Variants in SUPT3H observed in about 807,000 individuals in gnomAD.
SUPT3H encodes the protein SPT3 homolog, SAGA and STAGA complex component.
In SUPT3H, 44 loss-of-function variants were observed where a neutral mutation model predicts 44.3. That is an observed-to-expected ratio of 0.99 (90% confidence interval 0.78 to 1.28). SUPT3H has a LOEUF of 1.28. Ranked by LOEUF, SUPT3H falls within the 50% of genes most tolerant of loss-of-function variation. The pLI, the probability that SUPT3H is intolerant of heterozygous loss-of-function variation, is 0.00. For missense variants in SUPT3H, 380 were observed against 387.1 expected, an observed-to-expected ratio of 0.98 and a Z score of 0.15; for synonymous variants, 124 against 125.6, an observed-to-expected ratio of 0.99 and a Z score of 0.09.
Position 45,276,985 on chromosome 6 carries a change from T to C in SUPT3H, c.101+88216A>G, listed in dbSNP as rs547566000. 1.8e-4 allele frequency among the ~76,000 whole-genome samples: 27 copies of C among 152,332 alleles called. No homozygotes were observed. The South Asian group carries it at 5.6e-3, about 32-fold the overall frequency. On this transcript the variant is annotated intron_variant, in intron 2 of 10. Transcript: ENST00000371459. ...TTCCAAAGATAAAACACATTTCTAT[T>C]TTCTATAAGCTTTTCTTATGATTTT...
At chr6:45,165,257 C>A (rs1368605510) in intron 2 of SUPT3H, among the ~76,000 whole-genome samples, 1 of 152,144 alleles carries the variant, frequency 6.6e-6, no homozygotes, top group Non-Finnish European at 1.5e-5. Context: ...ATACTAAGCA[C>A]AAGGTAACAT....
chr6:45,052,048 A>G lies in SUPT3H; in HGVS notation c.187-31416T>C, dbSNP rs780892066. ...TTGTAACAGGAGTATTATAGACAAAAGCACAATGAGCCAGACAATAAAATC... is the reference window on the plus strand; with the variant it reads ...TTGTAACAGGAGTATTATAGACAAAGGCACAATGAGCCAGACAATAAAATC... On this transcript the variant is annotated intron_variant, in intron 3 of 10. Transcript: ENST00000371459. 8.5e-5 allele frequency among the ~76,000 whole-genome samples: 13 copies of G among 152,342 alleles called. No individual in the cohort carries two copies. In the Middle Eastern group the frequency reaches 0.017, roughly 199 times the overall value.
At chr6:45,232,516 GC>G (rs1768249376) in intron 2 of SUPT3H, among the ~76,000 whole-genome samples, 1 of 152,202 alleles carries the variant, frequency 6.6e-6, no homozygotes, top group Non-Finnish European at 1.5e-5. Flanking sequence ...CTGGGACCAG[GC>G]AGGCCAATTC....
At chr6:45,009,997 T>C (rs1783250080) in intron 5 of SUPT3H, among the ~76,000 whole-genome samples, 2 of 152,146 alleles carry the variant, frequency 1.3e-5, no homozygotes, top group African/African-American at 4.8e-5. Flanking sequence ...TTTCCATTAC[T>C]ATCTAGGCCT....
intron 2 of SUPT3H, among the ~76,000 whole-genome samples, chr6:45,350,511 T>C (rs1791791632): frequency 1.3e-5 from 2 of 152,202 alleles, no homozygotes; most frequent in African/African-American, 4.8e-5. Context: ...CTCAAGCTGC[T>C]TTCTCACAGA....
chr6:44,857,678 AG>A (rs1199560154), intron 10 of SUPT3H, among the ~76,000 whole-genome samples: 1 of 152,168 alleles, frequency 6.6e-6, no homozygotes, highest in African/African-American at 2.4e-5. Context: ...TTTCTTACCT[AG>A]GATTACATAA....
At chr6:44,843,154 A>G (rs192885581) in intron 10 of SUPT3H, among the ~76,000 whole-genome samples, 4 of 152,346 alleles carry the variant, frequency 2.6e-5, no homozygotes, top group African/African-American at 4.8e-5. Context: ...ATTGTTTTAT[A>G]TCGGTGCTTT....
rs532391227 is a variant in SUPT3H, at chr6:45,055,088, C to T, written c.187-34456G>A. ...CAGTGGTTATATACAGAAAGGCAGA[C>T]AGATTTTATGGAATTAGTAATTTCA... On this transcript the variant is annotated intron_variant, in intron 3 of 10. Coordinates refer to ENST00000371459, the MANE Select transcript of SUPT3H (RefSeq NM_003599.4). Among the ~76,000 whole-genome samples, 30 of 152,018 alleles carry T rather than the reference C, an allele frequency of 2.0e-4. 1 individual carries two copies. Among genetic ancestry groups the T allele is most frequent in the Non-Finnish European group, 3.4e-4 (23 of 67,956 alleles).
At chr6:44,859,039 C>T (rs1280756098) in intron 10 of SUPT3H, among the ~76,000 whole-genome samples, 1 of 152,126 alleles carries the variant, frequency 6.6e-6, no homozygotes, top group East Asian at 1.9e-4. Context: ...TTGGATTGGG[C>T]CTTTCAGAGT....
chr6:45,139,154 A>C (rs973669085), intron 2 of SUPT3H, among the ~76,000 whole-genome samples: 2 of 152,222 alleles, frequency 1.3e-5, no homozygotes, highest in Non-Finnish European at 2.9e-5. Context: ...TTATTTTCAT[A>C]AATTAAAATC....
chr6:45,004,633 C>T (rs1782457382), intron 5 of SUPT3H, among the ~76,000 whole-genome samples: 1 of 152,076 alleles, frequency 6.6e-6, no homozygotes, highest in African/African-American at 2.4e-5. Flanking sequence ...TTCCCTTTTA[C>T]ATGATCAGCC....
chr6:45,106,252 T>G (rs1226454323), intron 2 of SUPT3H, among the ~76,000 whole-genome samples: 1 of 151,954 alleles, frequency 6.6e-6, no homozygotes, highest in Non-Finnish European at 1.5e-5. Context: ...CATAACATGG[T>G]GAAACTCCGC....
Position 44,938,586 on chromosome 6 carries a change from AT to A in SUPT3H, c.802-5824del, listed in dbSNP as rs1014043272. ...TTTTTGGTTCCATATGAATTTTAGG[AT>A]TTTTTTTTCTAATTCTGTAAAAGAT... is the stretch of plus-strand genomic sequence containing the variant. On this transcript the variant is annotated intron_variant, in intron 9 of 10. Coordinates refer to ENST00000371459, the MANE Select transcript of SUPT3H (RefSeq NM_003599.4). 1.6e-4 allele frequency among the ~76,000 whole-genome samples: 24 copies of A among 151,136 alleles called. 1 individual carries two copies. Among genetic ancestry groups the A allele is most frequent in the Admixed American group, 4.0e-4 (6 of 15,148 alleles).
intron 7 of SUPT3H, 124 bp downstream of exon 7, chr6:44,961,629 G>A: frequency 2.7e-6 from 2 of 734,648 alleles, no homozygotes; most frequent in Non-Finnish European, 2.3e-6. Flanking sequence ...TGTTTGTATA[G>A]CACTTACAAC....
chr6:45,313,879 T>C (rs1784335754), intron 2 of SUPT3H, among the ~76,000 whole-genome samples: 1 of 152,070 alleles, frequency 6.6e-6, no homozygotes, highest in Admixed American at 6.6e-5. Context: ...TGAACATAGA[T>C]ACTAAAATCC....
chr6:44,978,650 G>A (rs1202763649), intron 6 of SUPT3H, among the ~76,000 whole-genome samples: 2 of 152,128 alleles, frequency 1.3e-5, no homozygotes, highest in Non-Finnish European at 2.9e-5. Flanking sequence ...ACATAGCATG[G>A]TCTCATCTGT....
At chr6:44,845,427 G>A (rs747510148) in intron 10 of SUPT3H, among the ~76,000 whole-genome samples, 1 of 152,190 alleles carries the variant, frequency 6.6e-6, no homozygotes, top group East Asian at 1.9e-4. Flanking sequence ...GGTATATGAA[G>A]TAGCAGGCTT....
intron 2 of SUPT3H, among the ~76,000 whole-genome samples, chr6:45,220,378 T>C (rs548099568): frequency 2.0e-5 from 3 of 152,016 alleles, no homozygotes; most frequent in East Asian, 3.9e-4. Context: ...AACATATCAA[T>C]TGAGGCAGAA....
chr6:45,037,918 T>C lies in SUPT3H; in HGVS notation c.187-17286A>G, dbSNP rs73737850. 3.9e-3 allele frequency among the ~76,000 whole-genome samples: 594 copies of C among 152,226 alleles called. 7 individuals are homozygous for C. The highest frequency in any genetic ancestry group is 0.014 in the African/African-American group (566 of 41,536). On this transcript the variant is annotated intron_variant, in intron 3 of 10. Transcript: ENST00000371459. ...ATTCTCTACAATTAACTTTTCTTAC[T>C]TTTACACTAATACAGTTATACAATT...
Sources: allele counts gnomAD v4.1 joint callset (sites outside exome capture counted in the v4.1 genomes callset), GRCh38; gene constraint gnomAD v4.1.1; transcripts MANE v1.5; gene names NCBI Gene and HGNC (gene_info 2026-07-23, HGNC 2026-07-21).